Variants in NTRK1 observed in about 807,000 individuals in gnomAD.
NTRK1 encodes neurotrophic receptor tyrosine kinase 1.
Under a neutral mutation model 86.8 loss-of-function variants are expected in NTRK1, and 62 were observed. The ratio of observed to expected loss-of-function variants is 0.71; its 90% CI spans 0.58 to 0.88. NTRK1 has a LOEUF of 0.88. Ranked by LOEUF, NTRK1 falls within the 40% of genes least tolerant of loss-of-function variation. NTRK1 has a pLI of 0.00. For synonymous variants in NTRK1, 469 were observed against 456.6 expected (o/e 1.03, Z -0.35); for missense variants, 967 against 1,078.4 (o/e 0.90, Z 1.45).
intron 2 of NTRK1, chr1:156,851,238 T>C: frequency 6.2e-7 from 1 of 1,604,824 alleles, no homozygotes; most frequent in South Asian, 1.1e-5. Flanking sequence ...GTTCTGGGAG[T>C]GTTGGAGGAA....
At chr1:156,844,337 G>A in intron 2 of NTRK1, 1 of 1,556,862 alleles carries the variant, frequency 6.4e-7, no homozygotes, top group Non-Finnish European at 8.8e-7. Flanking sequence ...CAGAGGGAAG[G>A]TCATGCTTCT....
At chr1:156,853,070 T>G (rs2102868717) in intron 2 of NTRK1, among the ~76,000 whole-genome samples, 1 of 152,188 alleles carries the variant, frequency 6.6e-6, no homozygotes, top group Admixed American at 6.6e-5. Flanking sequence ...TCTTTCCTCC[T>G]TTCTCCTTTC....
chr1:156,827,640 T>C (rs1341522477), intron 1 of NTRK1, among the ~76,000 whole-genome samples: 1 of 152,086 alleles, frequency 6.6e-6, no homozygotes, highest in Non-Finnish European at 1.5e-5. Flanking sequence ...CAGTTGATCC[T>C]CCTGCTTCAG....
upstream of NTRK1, chr1:156,858,497 G>T: frequency 6.5e-7 from 1 of 1,539,740 alleles, no homozygotes; most frequent in Non-Finnish European, 9.0e-7. Flanking sequence ...AGCTGGCTGG[G>T]AGGGAGGTAG....
intron 3 of NTRK1, 129 bp from the exon 4 acceptor site, chr1:156,866,781 C>T: frequency 2.9e-6 from 2 of 685,620 alleles, no homozygotes; most frequent in Admixed American, 2.0e-5. Context: ...AGGGCTGGTT[C>T]TGGTTGCCTA....
At chr1:156,880,820 G>T (rs1005025025) in intron 16 of NTRK1, among the ~76,000 whole-genome samples, 2 of 152,210 alleles carry the variant, frequency 1.3e-5, no homozygotes, top group Non-Finnish European at 2.9e-5. Context: ...GGGGGAAGAA[G>T]GGGAAAAGAG....
Position 156,873,715 on chromosome 1 carries a change from G to A in NTRK1, c.933G>A (p.Pro311=), listed in dbSNP as rs772308853. 6.2e-6 allele frequency: 10 copies of A among 1,612,314 alleles called. No homozygotes were observed. Among genetic ancestry groups the A allele is most frequent in the East Asian group, 2.2e-5 (1 of 44,818 alleles). Residue 311 remains proline (P), a synonymous_variant, in exon 8 of 17, where the codon CCG becomes CCA. Transcript: ENST00000524377. ...TCTCTGTGGATGGGCAGCCGGCACC[G>A]TCTCTGCGCTGGCTCTTCAATGGCT... ...IPFSVDGQPA[P]SLRWLFNGSV... is the part of the protein sequence containing the mutation.
intron 2 of NTRK1, chr1:156,846,844 A>T: frequency 9.0e-7 from 1 of 1,109,166 alleles, no homozygotes; most frequent in South Asian, 1.3e-5. Flanking sequence ...CAGGACTGTC[A>T]TTGTCCTTCC....
chr1:156,852,638 C>T (rs529669302), intron 2 of NTRK1, among the ~76,000 whole-genome samples: 35 of 152,190 alleles, frequency 2.3e-4, no homozygotes, highest in Non-Finnish European at 5.0e-4. Flanking sequence ...CTGCCCATAC[C>T]GCCCCCACCT....
rs1221240822 is a variant in NTRK1 at position 156,868,612 on chromosome 1, A to G, written c.682A>G (p.Ile228Val). The change falls in exon 6 of 17, where the codon ATC becomes GTC. Residue 228 changes from isoleucine to valine, a missense_variant. This residue lies in a region of NTRK1 where 330 missense variants were observed against 302.0 expected (regional missense o/e 1.09). Coordinates refer to ENST00000524377, the MANE Select transcript of NTRK1 (RefSeq NM_002529.4). ...GCGGGGCCTGGAGCAGGCCGGCTGG[A>G]TCCTCACAGAGCTGGAGCAGTCAGC... The part of the protein sequence containing the change: ...EGRGLEQAGW[I>V]LTELEQSATV... 1.6e-5 allele frequency: 25 copies of G among 1,550,666 alleles called. No individual in the cohort carries two copies. The highest frequency in any genetic ancestry group is 2.1e-5 in the Non-Finnish European group (24 of 1,147,022).
rs761082512 is a variant in NTRK1 at position 156,864,785 on chromosome 1, T to G, written c.345T>G (p.Pro115=). Residue 115 remains proline, a synonymous_variant, in exon 3 of 17, where the codon CCT becomes CCG. Coordinates refer to ENST00000524377, the MANE Select transcript of NTRK1 (RefSeq NM_002529.4). ...FVAPDAFHFT[P]RLSRLNLSFN... Reference sequence around the variant, plus strand: ...CGCCAGATGCCTTCCATTTCACTCCTCGGCTCAGTCGCCTGTGAGTGTGGC... The same window carrying G: ...CGCCAGATGCCTTCCATTTCACTCCGCGGCTCAGTCGCCTGTGAGTGTGGC... 5 of 1,613,768 alleles carry G rather than the reference T, an allele frequency of 3.1e-6. No homozygotes were observed. Among genetic ancestry groups the G allele is most frequent in the Non-Finnish European group, 4.2e-6 (5 of 1,179,900 alleles).
intron 2 of NTRK1, chr1:156,844,599 C>T (rs1462782876): frequency 2.2e-5 from 35 of 1,614,022 alleles, no homozygotes; most frequent in South Asian, 5.5e-5. Context: ...ATATCGAAGA[C>T]GGGACACACA....
At position 156,850,534 on chromosome 1, in the gene NTRK1, CTTTTTTTT is replaced by C. The variant is rs35237064; in HGVS notation, c.50+8365_50+8372del. On this transcript the variant is annotated intron_variant, in intron 2 of 16. Transcript: ENST00000392302. ...GACCTGGATGGTAATTTAAAACATT[CTTTTTTTT>C]TTTTTTTTTTTTTTTTTTTTTTTGA... Among the ~76,000 whole-genome samples the C allele has an allele frequency of 6.9e-3, 404 of 58,530 alleles. 1 individual carries two copies. The highest frequency in any genetic ancestry group is 0.021 in the African/African-American group (382 of 17,818). 38.4% of individuals were successfully genotyped at this position (58,530 alleles called of 152,430 possible). A position where few individuals can be genotyped will look rare whatever the true frequency, so the allele number is the denominator to read the frequency against.
intron 8 of NTRK1, 25 bp from the exon 9 acceptor site, chr1:156,874,358 C>G: frequency 6.2e-7 from 1 of 1,614,080 alleles, no homozygotes; most frequent in Non-Finnish European, 8.5e-7. Flanking sequence ...CCTCTGACTG[C>G]TTTCTCTCCT....
chr1:156,835,564 T>C (rs191724464), intron 1 of NTRK1, among the ~76,000 whole-genome samples: 1 of 152,332 alleles, frequency 6.6e-6, no homozygotes, highest in Admixed American at 6.5e-5. Context: ...CAGATGCATA[T>C]TTATGCTTCC....
At chr1:156,823,878 G>A (rs1306892955) in intron 1 of NTRK1, among the ~76,000 whole-genome samples, 1 of 152,198 alleles carries the variant, frequency 6.6e-6, no homozygotes, top group Non-Finnish European at 1.5e-5. Context: ...ATCCTGCCCA[G>A]TGGGTTGTTC....
At chr1:156,840,823 G>T in intron 1 of NTRK1, 1 of 1,417,112 alleles carries the variant, frequency 7.1e-7, no homozygotes, top group Non-Finnish European at 9.9e-7. Flanking sequence ...ACAGAGGTCG[G>T]GTCCCTTCCT....
intron 1 of NTRK1, chr1:156,842,015 A>G: frequency 6.3e-7 from 1 of 1,585,742 alleles, no homozygotes; most frequent in African/African-American, 1.3e-5. Context: ...AGGGTCTCAC[A>G]GGCTGTCAGG....
In NTRK1 at chr1:156,873,497, G is replaced by A. The variant is rs987226681; in HGVS notation, c.851-136G>A. On this transcript the variant is annotated intron_variant, in intron 7 of 16. Coordinates refer to ENST00000524377, the MANE Select transcript of NTRK1 (RefSeq NM_002529.4). ...ATCTCTCCTTGGTGAATTTCCCAGG[G>A]CCTGCTGACCTGTTTCTCCCAGGCC... The A allele has an allele frequency of 3.3e-5, 23 of 691,342 alleles. No homozygotes were observed. In the African/African-American group the frequency reaches 4.1e-4, roughly 12 times the overall value. 42.8% of individuals were successfully genotyped at this position (691,342 alleles called of 1,614,324 possible). A position where few individuals can be genotyped will look rare whatever the true frequency, so the allele number is the denominator to read the frequency against.
Sources: gnomAD v4.1 joint callset for allele counts (sites outside exome capture counted in the v4.1 genomes callset) on GRCh38, gnomAD v4.1.1 for gene constraint, gnomAD v4.1.1 regional missense constraint, MANE v1.5 for transcripts, NCBI Gene and HGNC (gene_info 2026-07-23, HGNC 2026-07-21) for gene names.